SOS2: variants seen among roughly 807,000 people sequenced by gnomAD.
SOS2 encodes the protein son of sevenless homolog 2.
SOS2 carries 65 observed loss-of-function variants against 148.2 expected under a neutral mutation model. That is an observed-to-expected ratio of 0.44 (90% CI 0.36 to 0.54). The LOEUF is 0.54. Among genes scored for constraint, SOS2 ranks in the 20% least tolerant of loss-of-function variants. The pLI is 0.00. For synonymous variants in SOS2, 539 were observed against 537.1 expected (o/e 1.00, Z -0.05); for missense variants, 1,341 against 1,590.2 (o/e 0.84, Z 2.67).
intron 1 of SOS2, among the ~76,000 whole-genome samples, chr14:50,226,511 C>T (rs1209502316): frequency 6.6e-6 from 1 of 152,136 alleles, no homozygotes; most frequent in African/African-American, 2.4e-5. Flanking sequence ...AAGCCCCTAC[C>T]GATCTTTTTC....
chr14:50,183,680 G>A (rs1352661333), intron 5 of SOS2, among the ~76,000 whole-genome samples: 3 of 152,194 alleles, frequency 2.0e-5, no homozygotes, highest in African/African-American at 4.8e-5. Context: ...CAGAGCCCTA[G>A]GTTTTACTTA....
chr14:50,176,810 G>T (rs542992534), intron 7 of SOS2, among the ~76,000 whole-genome samples: 1 of 152,292 alleles, frequency 6.6e-6, no homozygotes, highest in Admixed American at 6.5e-5. Flanking sequence ...AAGAGTTTGA[G>T]AACAGCCTGG....
intron 3 of SOS2, among the ~76,000 whole-genome samples, 188 bp downstream of exon 3, chr14:50,200,765 A>T (rs1479351067): frequency 2.0e-5 from 3 of 152,196 alleles, no homozygotes; most frequent in African/African-American, 7.2e-5. Flanking sequence ...AAAGCAATCC[A>T]ATTTCACCAG....
intron 4 of SOS2, among the ~76,000 whole-genome samples, chr14:50,193,937 G>T (rs1340472825): frequency 6.6e-6 from 1 of 152,054 alleles, no homozygotes; most frequent in Non-Finnish European, 1.5e-5. Flanking sequence ...TAGAGATGGG[G>T]TTTCACCATG....
intron 16 of SOS2, among the ~76,000 whole-genome samples, chr14:50,144,804 A>T (rs1478630156): frequency 6.6e-6 from 1 of 152,164 alleles, no homozygotes; most frequent in Non-Finnish European, 1.5e-5. Flanking sequence ...GGTAATTAAG[A>T]CATTACTTGT....
chr14:50,183,852 C>T (rs1885823209), intron 5 of SOS2, among the ~76,000 whole-genome samples: 1 of 152,212 alleles, frequency 6.6e-6, no homozygotes, highest in Non-Finnish European at 1.5e-5. Flanking sequence ...TGAATTACAG[C>T]CATTCACTGC....
chr14:50,213,759 A>G (rs868269807), intron 1 of SOS2, among the ~76,000 whole-genome samples: 5 of 152,088 alleles, frequency 3.3e-5, no homozygotes, highest in Non-Finnish European at 5.9e-5. Context: ...TTAAGATATA[A>G]CTTTGAAGTG....
At chr14:50,146,057 C>T (rs186264352) in intron 14 of SOS2, among the ~76,000 whole-genome samples, 38 of 149,314 alleles carry the variant, frequency 2.5e-4, no homozygotes, top group African/African-American at 6.7e-4. Flanking sequence ...CGCTTGAACC[C>T]GGGAGATGGA....
chr14:50,190,666 T>C (rs184129486), intron 4 of SOS2, among the ~76,000 whole-genome samples: 17 of 152,370 alleles, frequency 1.1e-4, no homozygotes, highest in East Asian at 7.7e-4. Context: ...CTGGATTTCA[T>C]TGCCTTCTGC....
At chr14:50,229,985 A>T (rs1488053435) in intron 1 of SOS2, among the ~76,000 whole-genome samples, 2 of 152,242 alleles carry the variant, frequency 1.3e-5, no homozygotes, top group African/African-American at 4.8e-5. Flanking sequence ...TTAATACTTT[A>T]GCACTTGGTA....
rs1425871619 is a variant in SOS2 at position 50,231,185 on chromosome 14, C to G, written c.87+12G>C. The stretch of plus-strand genomic sequence containing the variant: ...CGGGCCACCCGCCGGCCGCCCCGCC[C>G]CTAGCACTGACCTTCCGCAGGGCCG... On this transcript the variant is annotated intron_variant, in intron 1 of 22. Transcript: ENST00000216373. 1.4e-6 allele frequency: 2 copies of G among 1,448,720 alleles called. No homozygotes were observed. Among genetic ancestry groups the G allele is most frequent in the Admixed American group, 2.0e-5 (1 of 49,972 alleles). The allele number at this position is 1,448,720 out of a possible 1,614,324, so 89.7% of individuals were successfully genotyped here.
intron 7 of SOS2, among the ~76,000 whole-genome samples, chr14:50,175,774 A>G (rs1487436730): frequency 3.9e-5 from 6 of 152,184 alleles, no homozygotes; most frequent in African/African-American, 1.4e-4. Context: ...TCCCCATAAG[A>G]AAAACACCAA....
rs1027626067 is a variant in SOS2, at chr14:50,174,495, C to G, written c.1027G>C (p.Val343Leu). ...VRYVLPRLML[V>L]PVYHCWHYFE... ...TAGTGCCAACAGTGATACACTGGCA[C>G]CAGCATAAGACGTGGAAGGACATAA... The change falls in exon 8 of 23, where the codon GTG becomes CTG. Residue 343 changes from valine (V) to leucine (L), a missense_variant. Val to Leu is a conservative substitution (Grantham distance 32). This residue lies in a region of SOS2 where 574 missense variants were observed against 711.1 expected (regional missense o/e 0.81). Transcript: ENST00000216373. The G allele has an allele frequency of 1.9e-6, 3 of 1,610,344 alleles. No individual in the cohort carries two copies. Among genetic ancestry groups the G allele is most frequent in the Non-Finnish European group, 2.5e-6 (3 of 1,177,568 alleles).
At position 50,157,102 on chromosome 14, in the gene SOS2, C is replaced by T; in HGVS notation, c.1954G>A (p.Glu652Lys). The T allele has an allele frequency of 1.2e-6, 2 of 1,611,838 alleles. No homozygotes were observed. Among genetic ancestry groups the T allele is most frequent in the Non-Finnish European group, 1.7e-6 (2 of 1,178,610 alleles). Residue 652 changes from glutamate (E) to lysine (K), a missense_variant, in exon 12 of 23, where the codon GAA becomes AAA. Glu to Lys is a moderately conservative substitution (Grantham distance 56). Around this residue, in one of 4 missense-constraint regions of SOS2, gnomAD observed 408 missense variants for 506.6 expected, o/e 0.81. Transcript: ENST00000216373. ...GCCAATTTGTCTGCGTCAGTAGGTT[C>T]TGGCTCTGGAATTTCAAACCTAAGA... Reference protein sequence around the residue: ...LIERFEIPEPEPTDADKLAIE... With the variant: ...LIERFEIPEPKPTDADKLAIE...
At chr14:50,181,834 A>G (rs990154661) in intron 6 of SOS2, among the ~76,000 whole-genome samples, 1 of 152,052 alleles carries the variant, frequency 6.6e-6, no homozygotes, top group African/African-American at 2.4e-5. Context: ...AATGAGCTAC[A>G]TTATTTTTAT....
chr14:50,190,399 G>A (rs1886091433), intron 4 of SOS2, among the ~76,000 whole-genome samples: 1 of 152,062 alleles, frequency 6.6e-6, no homozygotes. Flanking sequence ...ACCACATGTT[G>A]GTAAAATATG....
intron 5 of SOS2, among the ~76,000 whole-genome samples, chr14:50,184,363 T>C (rs1566842242): frequency 6.6e-6 from 1 of 152,260 alleles, no homozygotes; most frequent in East Asian, 1.9e-4. Flanking sequence ...ATATGAAACA[T>C]ATTTTTGGTC....
chr14:50,131,314 C>CT (rs1883858481), intron 19 of SOS2, among the ~76,000 whole-genome samples: 1 of 152,114 alleles, frequency 6.6e-6, no homozygotes, highest in African/African-American at 2.4e-5. Context: ...GATCAGAAAA[C>CT]TTGAGTTAAG....
chr14:50,141,586 AAAAC>A (rs1480875919), intron 16 of SOS2, among the ~76,000 whole-genome samples: 2 of 151,592 alleles, frequency 1.3e-5, no homozygotes, highest in African/African-American at 4.9e-5. Context: ...GATCTCTGTC[AAAAC>A]AAAAAAAACC....
Sources: gnomAD v4.1 joint callset for allele counts (sites outside exome capture counted in the v4.1 genomes callset) on GRCh38, gnomAD v4.1.1 for gene constraint, gnomAD v4.1.1 regional missense constraint, MANE v1.5 for transcripts, NCBI Gene and HGNC (gene_info 2026-07-23, HGNC 2026-07-21) for gene names.